Variants in FGF20 observed in about 807,000 individuals in gnomAD.
The protein encoded by FGF20 is fibroblast growth factor 20.
In FGF20, 8 loss-of-function variants were observed where a neutral mutation model predicts 16.7. The observed-to-expected ratio is 0.48, with a 90% CI of 0.28 to 0.87. The LOEUF (loss-of-function observed/expected upper bound fraction) is 0.87. Ranked by LOEUF, FGF20 falls within the 40% of genes least tolerant of loss-of-function variation. The pLI, the probability that FGF20 is intolerant of heterozygous loss-of-function variation, is 0.10. For missense variants in FGF20, 397 were observed against 281.4 expected (o/e 1.41, Z -2.94); for synonymous variants, 161 against 118.6 (o/e 1.36, Z -2.32).
At chr8:16,997,313 T>C (rs1291462101) in intron 1 of FGF20, among the ~76,000 whole-genome samples, 1 of 152,156 alleles carries the variant, frequency 6.6e-6, no homozygotes, top group Non-Finnish European at 1.5e-5. Context: ...TCAATAGCAT[T>C]CTACCTTCAC....
At chr8:16,999,701 TTTTGTA>T (rs1276561271) in intron 1 of FGF20, among the ~76,000 whole-genome samples, 4 of 146,094 alleles carry the variant, frequency 2.7e-5, no homozygotes, top group African/African-American at 7.8e-5. Context: ...TTTTTTTTTT[TTTTGTA>T]TTTTTTGTAT....
intron 2 of FGF20, among the ~76,000 whole-genome samples, chr8:16,994,933 A>T (rs1810009213): frequency 6.6e-6 from 1 of 152,202 alleles, no homozygotes; most frequent in Admixed American, 6.5e-5. Flanking sequence ...AGAGTGTGAT[A>T]TTGTCCTGCT....
intron 1 of FGF20, among the ~76,000 whole-genome samples, chr8:16,996,060 C>A (rs1010096885): frequency 6.6e-6 from 1 of 152,172 alleles, no homozygotes; most frequent in Non-Finnish European, 1.5e-5. Flanking sequence ...GAAGTTGACA[C>A]CCTTTGCAGC....
At chr8:17,001,021 C>T (rs1033833113) in intron 1 of FGF20, among the ~76,000 whole-genome samples, 1 of 152,004 alleles carries the variant, frequency 6.6e-6, no homozygotes, top group East Asian at 1.9e-4. Flanking sequence ...GCTCAGTAGC[C>T]GGGTGGTCTT....
In FGF20 at chr8:16,992,829, A is replaced by G. The variant is rs17515351; in HGVS notation, c.*243T>C. On this transcript the variant is annotated 3_prime_UTR_variant, in exon 3 of 3. Transcript: ENST00000180166. ...TTTAACAGATTTTTGGCTTCAGTCT[A>G]CTGGTAAGGACTAATCCAATGTATC... The G allele has an allele frequency of 3.8e-3, 1,411 of 366,978 alleles. 15 individuals are homozygous for G. Among genetic ancestry groups the G allele is most frequent in the African/African-American group, 0.026 (1,253 of 47,312 alleles). The allele number at this position is 366,978 out of a possible 1,614,324, so 22.7% of individuals were successfully genotyped here.
rs751694373 is a variant in FGF20 at position 16,993,332 on chromosome 8, A to G, written c.391-15T>C. ...GTAAGTTTCTCCTGAAAGAGAGAAGATAACTATTATTTTTTAAAAAAATAC... is the reference window on the plus strand; with the variant it reads ...GTAAGTTTCTCCTGAAAGAGAGAAGGTAACTATTATTTTTTAAAAAAATAC... On this transcript the variant is annotated splice_polypyrimidine_tract_variant and intron_variant, in intron 2 of 2. Transcript: ENST00000180166. The G allele has an allele frequency of 6.3e-7, 1 of 1,578,106 alleles. No homozygotes were observed. The highest frequency in any genetic ancestry group is 8.6e-7 in the Non-Finnish European group (1 of 1,165,202).
Position 16,993,138 on chromosome 8 carries a change from G to C in FGF20, c.570C>G (p.Phe190Leu). 2 of 1,614,096 alleles carry C rather than the reference G, an allele frequency of 1.2e-6. No individual in the cohort carries two copies. The highest frequency in any genetic ancestry group is 1.7e-6 in the Non-Finnish European group (2 of 1,180,012). The change falls in exon 3 of 3, where the codon TTC becomes TTG. Residue 190 changes from phenylalanine to leucine, a missense_variant. Coordinates refer to ENST00000180166, the MANE Select transcript of FGF20 (RefSeq NM_019851.3). ...RSKRHQKFTH[F>L]LPRPVDPERV... ...TTTCTGGATCCACTGGTCTAGGTAA[G>C]AAATGTGTAAATTTCTGATGCCTCT...
At position 16,993,592 on chromosome 8, in the gene FGF20, C is replaced by G. The variant is rs1689899; in HGVS notation, c.391-275G>C. On this transcript the variant is annotated intron_variant, in intron 2 of 2. Coordinates refer to ENST00000180166, the MANE Select transcript of FGF20 (RefSeq NM_019851.3). ...ATTTTTCCACGGACCAGGATGGGGACACGGGATGGTTTCAGGGTGATCCAA... is the reference window on the plus strand; with the variant it reads ...ATTTTTCCACGGACCAGGATGGGGAGACGGGATGGTTTCAGGGTGATCCAA... 0.96 allele frequency among the ~76,000 whole-genome samples: 145,760 copies of G among 152,170 alleles called. 70,120 individuals carry two copies. The highest frequency in any genetic ancestry group is 1 in the East Asian group (5,166 of 5,166).
At chr8:16,998,140 A>G (rs894152876) in intron 1 of FGF20, among the ~76,000 whole-genome samples, 1 of 152,206 alleles carries the variant, frequency 6.6e-6, no homozygotes, top group African/African-American at 2.4e-5. Context: ...CTCAGAGGTA[A>G]ACCACCTACA....
chr8:16,999,069 C>T (rs1251811831), intron 1 of FGF20, among the ~76,000 whole-genome samples: 1 of 152,082 alleles, frequency 6.6e-6, no homozygotes, highest in African/African-American at 2.4e-5. Context: ...TGAACATAAA[C>T]TTTCTTCTTA....
rs1248221211 is a variant in FGF20 at position 17,002,334 on chromosome 8, T to A, written c.-302A>T. ...CTGGGGCTCCAATTCCGCAAACTGA[T>A]CAGATCAGAGTCCTGTGTACATACA... On this transcript the variant is annotated 5_prime_UTR_variant, in exon 1 of 3. Transcript: ENST00000180166. Among the ~76,000 whole-genome samples the A allele has an allele frequency of 6.6e-6, 1 of 152,128 alleles. No homozygotes were observed. The highest frequency in any genetic ancestry group is 1.9e-4 in the East Asian group (1 of 5,170).
At chr8:17,001,413 GC>G (rs1810177798) in intron 1 of FGF20, among the ~76,000 whole-genome samples, 1 of 152,132 alleles carries the variant, frequency 6.6e-6, no homozygotes, top group Admixed American at 6.5e-5. Context: ...GATGCCGAGT[GC>G]ACCAGGTCTT....
intron 1 of FGF20, among the ~76,000 whole-genome samples, chr8:16,996,494 T>C (rs1485983568): frequency 6.6e-6 from 1 of 152,180 alleles, no homozygotes; most frequent in African/African-American, 2.4e-5. Context: ...ATTTAGGCAT[T>C]CAACAAACGG....
intron 1 of FGF20, among the ~76,000 whole-genome samples, chr8:16,997,308 A>G (rs1293429054): frequency 2.0e-5 from 3 of 152,168 alleles, no homozygotes; most frequent in African/African-American, 7.2e-5. Context: ...CTTCCTCAAT[A>G]GCATTCTACC....
rs1404623289 is a variant in FGF20, at chr8:16,992,684, G to C, written c.*388C>G. On this transcript the variant is annotated 3_prime_UTR_variant, in exon 3 of 3. Coordinates refer to ENST00000180166, the MANE Select transcript of FGF20 (RefSeq NM_019851.3). ...CAGAATTTATGTAGCAATGCTCTTG[G>C]CTAAGTCAATCCATTTCTTCAACAT... is the stretch of plus-strand genomic sequence containing the variant. 2.5e-5 allele frequency: 4 copies of C among 159,096 alleles called. No individual in the cohort carries two copies. In the Admixed American group the frequency reaches 2.5e-4, roughly 10 times the overall value. The allele number at this position is 159,096 out of a possible 1,614,324, so 9.9% of individuals were successfully genotyped here.
chr8:17,002,013 A>G lies in FGF20; in HGVS notation c.20T>C (p.Val7Ala), dbSNP rs1810201095. Residue 7 changes from valine to alanine, a missense_variant, in exon 1 of 3, where the codon GTC (valine) becomes GCC (alanine). Transcript: ENST00000180166. ...CTCCAGGCCGCCCAGAAAGCCCCCGACTTCGGCTAAGGGAGCCATGGAGGG... is the reference window on the plus strand; with the variant it reads ...CTCCAGGCCGCCCAGAAAGCCCCCGGCTTCGGCTAAGGGAGCCATGGAGGG... MAPLAE[V>A]GGFLGGLEGL... 1.3e-6 allele frequency: 2 copies of G among 1,537,118 alleles called. No homozygotes were observed. The highest frequency in any genetic ancestry group is 2.7e-5 in the East Asian group (1 of 37,548).
chr8:17,000,557 T>A (rs553600173), intron 1 of FGF20, among the ~76,000 whole-genome samples: 1 of 152,310 alleles, frequency 6.6e-6, no homozygotes, highest in East Asian at 1.9e-4. Context: ...GGTATCTTTT[T>A]TAAAAATAAA....
chr8:16,999,599 T>A (rs1212524653), intron 1 of FGF20, among the ~76,000 whole-genome samples: 1 of 143,628 alleles, frequency 7.0e-6, no homozygotes, highest in Non-Finnish European at 1.5e-5. Flanking sequence ...CTTGGCTCAC[T>A]GCAACCTGCG....
chr8:17,001,796 G>T lies in FGF20; in HGVS notation c.237C>A (p.Ile79=), dbSNP rs1266708845. ...TGCCCTGCACGCTGCCGTCGGGCAG[G>T]ATCTGCAGGTGGAAGCCGGTGCGGC... is the stretch of plus-strand genomic sequence containing the variant. ...LYCRTGFHLQ[I]LPDGSVQGTR... The change falls in exon 1 of 3, where the codon ATC becomes ATA. Residue 79 remains isoleucine, a synonymous_variant. Coordinates refer to ENST00000180166, the MANE Select transcript of FGF20 (RefSeq NM_019851.3). The T allele has an allele frequency of 1.3e-6, 2 of 1,568,534 alleles. No homozygotes were observed. The highest frequency in any genetic ancestry group is 1.8e-5 in the Admixed American group (1 of 55,420).
Sources: allele counts gnomAD v4.1 joint callset (sites outside exome capture counted in the v4.1 genomes callset), GRCh38; gene constraint gnomAD v4.1.1; transcripts MANE v1.5; gene names NCBI Gene and HGNC (gene_info 2026-07-23, HGNC 2026-07-21).